CTNND2: variants seen among roughly 807,000 people sequenced by gnomAD.
The protein encoded by CTNND2 is catenin delta 2, also known as catenin delta-2.
In CTNND2, 22 loss-of-function variants were observed where a neutral mutation model predicts 144.4. The observed-to-expected ratio is 0.15, with a 90% CI of 0.11 to 0.22. CTNND2 has a LOEUF of 0.22. CTNND2 is among the 10% of genes least tolerant of loss of function. The probability of loss-of-function intolerance (pLI) is 1.00; values close to 1 mark genes in which losing one functional copy is unlikely to be tolerated. For missense variants in CTNND2, 1,353 were observed against 1,618.8 expected (o/e 0.84, Z 2.82); for synonymous variants, 751 against 695.6 (o/e 1.08, Z -1.25).
intron 3 of CTNND2, among the ~76,000 whole-genome samples, chr5:11,547,446 A>T (rs780940481): frequency 6.6e-6 from 1 of 152,168 alleles, no homozygotes; most frequent in Admixed American, 6.5e-5. Context: ...CATTAAAACC[A>T]AGCATTCTAT....
intron 10 of CTNND2, among the ~76,000 whole-genome samples, chr5:11,233,049 G>A (rs1013128963): frequency 6.6e-6 from 1 of 152,040 alleles, no homozygotes; most frequent in Admixed American, 6.5e-5. Context: ...ATGATTATAA[G>A]TTTCCTGAGG....
At chr5:11,606,691 T>C (rs564195657) in intron 2 of CTNND2, among the ~76,000 whole-genome samples, 2 of 152,302 alleles carry the variant, frequency 1.3e-5, no homozygotes, top group Admixed American at 6.5e-5. Flanking sequence ...TTTATAAGTG[T>C]GTCATAAACA....
chr5:11,301,210 G>T (rs1269565841), intron 9 of CTNND2, among the ~76,000 whole-genome samples: 1 of 152,006 alleles, frequency 6.6e-6, no homozygotes, highest in Non-Finnish European at 1.5e-5. Context: ...GTAGAGATAG[G>T]GTTTCACTAT....
chr5:11,554,030 T>C (rs931026645), intron 3 of CTNND2, among the ~76,000 whole-genome samples: 1 of 152,162 alleles, frequency 6.6e-6, no homozygotes, highest in African/African-American at 2.4e-5. Context: ...AGGCCCTACA[T>C]CAAATTCTTT....
At chr5:11,590,624 C>A (rs913973337) in intron 2 of CTNND2, among the ~76,000 whole-genome samples, 4 of 152,094 alleles carry the variant, frequency 2.6e-5, no homozygotes, top group African/African-American at 9.6e-5. Flanking sequence ...TGACAATACA[C>A]CCTCCCTGCC....
intron 9 of CTNND2, among the ~76,000 whole-genome samples, chr5:11,334,476 T>C (rs180947396): frequency 3.9e-5 from 6 of 152,196 alleles, no homozygotes; most frequent in Admixed American, 2.6e-4. Context: ...TTTTATTCAG[T>C]TGAAAAGACT....
intron 12 of CTNND2, among the ~76,000 whole-genome samples, chr5:11,146,135 G>A (rs1481773880): frequency 8.0e-6 from 1 of 125,410 alleles, no homozygotes; most frequent in African/African-American, 3.0e-5. Flanking sequence ...CTCCTCTTCT[G>A]TTAAAACACA....
intron 1 of CTNND2, among the ~76,000 whole-genome samples, chr5:11,901,379 A>C (rs1737867910): frequency 6.6e-6 from 1 of 152,238 alleles, no homozygotes; most frequent in African/African-American, 2.4e-5. Flanking sequence ...ACTATTATGA[A>C]AGCAATATTA....
intron 2 of CTNND2, among the ~76,000 whole-genome samples, chr5:11,708,644 G>A (rs188089012): frequency 5.7e-4 from 86 of 152,110 alleles, no homozygotes; most frequent in Non-Finnish European, 1.1e-3. Context: ...GCTCAAGTAC[G>A]ATGAAGACAC....
intron 3 of CTNND2, among the ~76,000 whole-genome samples, chr5:11,432,928 T>C (rs1763426256): frequency 6.6e-6 from 1 of 152,164 alleles, no homozygotes. Context: ...CAGAAGTCAT[T>C]TTAAGACCAC....
chr5:11,636,444 A>T (rs1405068583), intron 2 of CTNND2, among the ~76,000 whole-genome samples: 1 of 152,194 alleles, frequency 6.6e-6, no homozygotes, highest in Non-Finnish European at 1.5e-5. Flanking sequence ...CTTTGTAATT[A>T]TGGAAATAAA....
intron 18 of CTNND2, among the ~76,000 whole-genome samples, chr5:11,010,762 C>T (rs1221203542): frequency 1.3e-5 from 2 of 152,192 alleles, no homozygotes; most frequent in Admixed American, 6.5e-5. Flanking sequence ...AATCCAAGAG[C>T]AGTAAGGAAA....
At chr5:11,585,484 A>ATATC (rs57085841) in intron 2 of CTNND2, among the ~76,000 whole-genome samples, 63,028 of 149,836 alleles carry the variant, frequency 0.42, 13,608 homozygotes, top group Middle Eastern at 0.52. Context: ...TTATCTATGT[A>ATATC]TATCTATCTA....
chr5:11,815,464 C>A (rs1417030543), intron 1 of CTNND2, among the ~76,000 whole-genome samples: 1 of 152,048 alleles, frequency 6.6e-6, no homozygotes, highest in Non-Finnish European at 1.5e-5. Context: ...TTATAAAATC[C>A]TCAGGAGACT....
intron 12 of CTNND2, among the ~76,000 whole-genome samples, chr5:11,147,799 G>A (rs965922178): frequency 9.9e-5 from 15 of 152,250 alleles, no homozygotes; most frequent in Non-Finnish European, 1.6e-4. Context: ...AGCAGTTGGC[G>A]GTTTTCAAAA....
rs189364992 is a variant in CTNND2, at chr5:11,455,135, T to C, written c.288-43066A>G. Among the ~76,000 whole-genome samples the C allele has an allele frequency of 2.2e-4, 33 of 151,754 alleles. No individual in the cohort carries two copies. The East Asian group carries it at 5.6e-3, about 26-fold the overall frequency. ...TTTGGGTTGGCTTAGGAAGAATGCATAGCACTAGATCCTTTAAACCATTCA... is the reference window on the plus strand; with the variant it reads ...TTTGGGTTGGCTTAGGAAGAATGCACAGCACTAGATCCTTTAAACCATTCA... On this transcript the variant is annotated intron_variant, in intron 3 of 21. Coordinates refer to ENST00000304623, the MANE Select transcript of CTNND2 (RefSeq NM_001332.4).
intron 16 of CTNND2, among the ~76,000 whole-genome samples, chr5:11,047,526 T>C (rs1745389690): frequency 6.6e-6 from 1 of 152,172 alleles, no homozygotes. Context: ...CATGTCTACA[T>C]ACACACAGAT....
intron 1 of CTNND2, among the ~76,000 whole-genome samples, chr5:11,776,531 T>C (rs1561787429): frequency 1.3e-5 from 2 of 152,332 alleles, no homozygotes; most frequent in South Asian, 4.1e-4. Context: ...GCTAGGCTTA[T>C]TGCATACTTA....
chr5:11,856,627 A>G (rs1795263520), intron 1 of CTNND2, among the ~76,000 whole-genome samples: 2 of 152,344 alleles, frequency 1.3e-5, no homozygotes, highest in African/African-American at 4.8e-5. Context: ...ATCAGGAACT[A>G]CAGCGGCAGA....
Sources: allele counts gnomAD v4.1 joint callset (sites outside exome capture counted in the v4.1 genomes callset), GRCh38; gene constraint gnomAD v4.1.1; transcripts MANE v1.5; gene names NCBI Gene and HGNC (gene_info 2026-07-23, HGNC 2026-07-21).